Variants in TMEM51 observed in about 807,000 individuals in gnomAD.
TMEM51 encodes the protein transmembrane protein 51.
In TMEM51, 8 loss-of-function variants were observed where a neutral mutation model predicts 13.6. The ratio of observed to expected loss-of-function variants is 0.59; its 90% confidence interval spans 0.35 to 1.07. The LOEUF is 1.07. Among genes scored for constraint, TMEM51 ranks in the 50% least tolerant of loss-of-function variants. TMEM51 has a pLI of 0.02. For synonymous variants in TMEM51, 147 were observed against 144.4 expected, an observed-to-expected ratio of 1.02 and a Z score of -0.13; for missense variants, 279 against 330.7, an observed-to-expected ratio of 0.84 and a Z score of 1.21.
chr1:15,172,647 A>G (rs1306684128), intron 1 of TMEM51, among the ~76,000 whole-genome samples: 1 of 152,212 alleles, frequency 6.6e-6, no homozygotes, highest in Non-Finnish European at 1.5e-5. Flanking sequence ...TATATTGTCT[A>G]CAAGAGTTCC....
rs1401933424 is a variant in TMEM51 at position 15,186,383 on chromosome 1, G to C, written c.-266-24107G>C. Among the ~76,000 whole-genome samples the C allele has an allele frequency of 2.6e-5, 4 of 152,224 alleles. No homozygotes were observed. In the East Asian group the frequency reaches 7.7e-4, roughly 29 times the overall value. On this transcript the variant is annotated intron_variant, in intron 1 of 3. Transcript: ENST00000376008. ...CAGTGAGGAATAACAGTCTACCCCA[G>C]AATGGCAGCAGTGAAAACAGAAAAG...
intron 1 of TMEM51, among the ~76,000 whole-genome samples, chr1:15,202,043 C>T (rs1644165668): frequency 6.6e-6 from 1 of 152,122 alleles, no homozygotes. Context: ...AGTTTTGAGC[C>T]CCCAGGAAGT....
rs781150153 is a variant in TMEM51 at position 15,215,316 on chromosome 1, C to T, written c.229C>T (p.Leu77=). 1.9e-6 allele frequency: 3 copies of T among 1,614,130 alleles called. No individual in the cohort carries two copies. The change falls in exon 3 of 4, where the codon CTG becomes TTG. Residue 77 remains leucine (L), a synonymous_variant. Transcript: ENST00000376008. ...GCTGGTCGGGGCCGGGGTGATGCTG[C>T]TGCTGCTTTCTATCTGCCTGAGTAT... ...YVLVGAGVML[L]LLSICLSIRD...
At chr1:15,181,232 G>A (rs989961992) in intron 1 of TMEM51, among the ~76,000 whole-genome samples, 4 of 152,134 alleles carry the variant, frequency 2.6e-5, no homozygotes, top group African/African-American at 9.7e-5. Context: ...CATATAGAAC[G>A]GCACCCTGAA....
intron 1 of TMEM51, among the ~76,000 whole-genome samples, chr1:15,184,021 C>A (rs1415282556): frequency 3.9e-5 from 6 of 152,162 alleles, no homozygotes; most frequent in Admixed American, 3.9e-4. Context: ...TCTTTCCTTT[C>A]CTTCTTCTTT....
chr1:15,200,015 G>A (rs980067707), intron 1 of TMEM51, among the ~76,000 whole-genome samples: 3 of 152,132 alleles, frequency 2.0e-5, no homozygotes, highest in Non-Finnish European at 4.4e-5. Flanking sequence ...GGGCCTAAGC[G>A]AAGCAAATGT....
At chr1:15,155,219 G>A (rs1425975859) in intron 1 of TMEM51, among the ~76,000 whole-genome samples, 2 of 151,034 alleles carry the variant, frequency 1.3e-5, no homozygotes, top group African/African-American at 4.9e-5. Context: ...TCACGGCTTC[G>A]GAGCTGACAG....
chr1:15,168,264 T>G (rs1475677174), intron 1 of TMEM51, among the ~76,000 whole-genome samples: 1 of 152,228 alleles, frequency 6.6e-6, no homozygotes, highest in East Asian at 1.9e-4. Context: ...CTGTCAAGCA[T>G]TCTCTGTCAA....
chr1:15,173,214 CTTTTTTTTT>C (rs3078132), intron 1 of TMEM51, among the ~76,000 whole-genome samples: 119 of 97,032 alleles, frequency 1.2e-3, no homozygotes, highest in African/African-American at 4.5e-3. Context: ...TGATCATATT[CTTTTTTTTT>C]TTTTTTTTTT....
intron 1 of TMEM51, among the ~76,000 whole-genome samples, chr1:15,171,986 G>C (rs139265524): frequency 6.6e-6 from 1 of 152,326 alleles, no homozygotes; most frequent in African/African-American, 2.4e-5. Context: ...TGCCGAGTCA[G>C]ACTTCAGCAG....
chr1:15,154,945 G>C (rs1642538169), intron 1 of TMEM51, among the ~76,000 whole-genome samples: 1 of 152,156 alleles, frequency 6.6e-6, no homozygotes, highest in Non-Finnish European at 1.5e-5. Flanking sequence ...TAAGTCAGCG[G>C]GTGGAAGGCT....
chr1:15,154,957 T>G (rs1006371), intron 1 of TMEM51, among the ~76,000 whole-genome samples: 142,906 of 152,208 alleles, frequency 0.94, 67,131 homozygotes, highest in South Asian at 0.99. Flanking sequence ...TGGAAGGCTT[T>G]CCCCTCTAGG....
rs902873494 is a variant in TMEM51 at position 15,207,651 on chromosome 1, G to T, written c.-266-2839G>T. On this transcript the variant is annotated intron_variant, in intron 1 of 3. Transcript: ENST00000376008. The surrounding 1 kb of genome is among the most constrained non-coding windows in gnomAD (Gnocchi z 4.6). Reference sequence around the variant, plus strand: ...CCCTGCCGGCTCTGGTTGGCCAGGGGTGTGCACACGAGTGGAAAGAGCCTC... The same window carrying T: ...CCCTGCCGGCTCTGGTTGGCCAGGGTTGTGCACACGAGTGGAAAGAGCCTC... Among the ~76,000 whole-genome samples, 2 of 152,198 alleles carry T rather than the reference G, an allele frequency of 1.3e-5. No individual in the cohort carries two copies. The highest frequency in any genetic ancestry group is 2.9e-5 in the Non-Finnish European group (2 of 68,036).
chr1:15,152,787 G>A (rs1076726), upstream of TMEM51: 114,239 of 152,180 alleles, frequency 0.75, 43,206 homozygotes, highest in East Asian at 0.94. Context: ...AGCCGCGGGT[G>A]AGAGGCTTCC....
At chr1:15,197,476 G>A (rs990665737) in intron 1 of TMEM51, among the ~76,000 whole-genome samples, 2 of 152,082 alleles carry the variant, frequency 1.3e-5, no homozygotes, top group Non-Finnish European at 2.9e-5. Flanking sequence ...AGGGCTTCCC[G>A]GCCTCTCTGA....
At chr1:15,217,471 G>C (rs1314637949) in intron 3 of TMEM51, among the ~76,000 whole-genome samples, 3 of 152,162 alleles carry the variant, frequency 2.0e-5, no homozygotes, top group Admixed American at 6.5e-5. Context: ...CACAGAACCA[G>C]GGGGATATAT....
intron 1 of TMEM51, among the ~76,000 whole-genome samples, chr1:15,172,828 G>A (rs149580222): frequency 3.0e-4 from 45 of 152,334 alleles, no homozygotes; most frequent in African/African-American, 1.1e-3. Flanking sequence ...TGCTCCAGAC[G>A]TGAATCGTCT....
At position 15,185,502 on chromosome 1, in the gene TMEM51, A is replaced by G. The variant is rs58827199; in HGVS notation, c.-266-24988A>G. ...TTCTTGGAAGTGGGGAAATCCCCTT[A>G]TAATAAGTAGTCTCTTCTTCATTTA... On this transcript the variant is annotated intron_variant, in intron 1 of 3. Coordinates refer to ENST00000376008, the MANE Select transcript of TMEM51 (RefSeq NM_001136218.2). Among the ~76,000 whole-genome samples the G allele has an allele frequency of 7.4e-3, 1,125 of 152,338 alleles. 13 individuals are homozygous for G. Among genetic ancestry groups the G allele is most frequent in the African/African-American group, 0.025 (1,058 of 41,570 alleles).
At chr1:15,176,116 C>G (rs1343188116) in intron 1 of TMEM51, among the ~76,000 whole-genome samples, 1 of 152,200 alleles carries the variant, frequency 6.6e-6, no homozygotes, top group African/African-American at 2.4e-5. Context: ...GAGAACAGGC[C>G]TTTGGCTTGT....
Sources: gnomAD v4.1 joint callset for allele counts (sites outside exome capture counted in the v4.1 genomes callset) on GRCh38, gnomAD v4.1.1 for gene constraint, Gnocchi (gnomAD v3.1) non-coding constraint, MANE v1.5 for transcripts, NCBI Gene and HGNC (gene_info 2026-07-23, HGNC 2026-07-21) for gene names.